Variants in CORIN observed in about 807,000 individuals in gnomAD.
CORIN encodes corin, serine peptidase.
A neutral mutation model predicts 125.3 loss-of-function variants in CORIN; 117 were observed. The observed-to-expected ratio is 0.93, with a 90% confidence interval of 0.80 to 1.09. The LOEUF is 1.09. Among genes scored for constraint, CORIN ranks in the 50% least tolerant of loss-of-function variants. The pLI is 0.00. For synonymous variants in CORIN, 450 were observed against 466.4 expected, an observed-to-expected ratio of 0.96 and a Z score of 0.45; for missense variants, 1,253 against 1,306.7, an observed-to-expected ratio of 0.96 and a Z score of 0.63.
intron 20 of CORIN, 47 bp downstream of exon 20, chr4:47,603,350 G>A (rs764334846): frequency 1.8e-5 from 29 of 1,569,838 alleles, no homozygotes; most frequent in Non-Finnish European, 2.3e-5. Flanking sequence ...CCCACTCTCA[G>A]GTATGTGCTT....
At chr4:47,703,596 T>C (rs970543187) in intron 5 of CORIN, among the ~76,000 whole-genome samples, 4 of 152,330 alleles carry the variant, frequency 2.6e-5, no homozygotes, top group Non-Finnish European at 4.4e-5. Context: ...TCAGTTTCCT[T>C]ACCTGAATCC....
At chr4:47,694,351 T>TGA (rs1225065145) in intron 5 of CORIN, among the ~76,000 whole-genome samples, 3 of 152,186 alleles carry the variant, frequency 2.0e-5, no homozygotes, top group Non-Finnish European at 4.4e-5. Context: ...TTTATCTTTT[T>TGA]AGCTGGGAAA....
At chr4:47,770,974 T>C (rs1477778887) in intron 3 of CORIN, among the ~76,000 whole-genome samples, 2 of 152,132 alleles carry the variant, frequency 1.3e-5, no homozygotes, top group Admixed American at 6.6e-5. Flanking sequence ...ATGGTGACTA[T>C]AGTTAATAAT....
At chr4:47,721,333 G>A (rs1039805013) in intron 5 of CORIN, among the ~76,000 whole-genome samples, 30 of 151,436 alleles carry the variant, frequency 2.0e-4, no homozygotes, top group East Asian at 5.9e-4. Flanking sequence ...GCAATGGTGC[G>A]ATCTCAGCTC....
chr4:47,595,768 CG>C lies in CORIN; in HGVS notation c.3081del (p.Glu1028AsnfsTer14). The C allele has an allele frequency of 6.2e-7, 1 of 1,612,582 alleles. No homozygotes were observed. Among genetic ancestry groups the C allele is most frequent in the Non-Finnish European group, 8.5e-7 (1 of 1,179,454 alleles). On this transcript the variant is annotated frameshift_variant, in exon 22 of 22. Transcript: ENST00000273857. LOFTEE classifies it high-confidence loss of function. ...ATGTAAATCTGTCTTTTAATCCATTCGACGAAATATGACACATTACTATAAA... is the reference window on the plus strand; with the variant it reads ...ATGTAAATCTGTCTTTTAATCCATTCACGAAATATGACACATTACTATAAA... ...PGVYSNVSYF[V>X]EWIKRQIYIQ...
intron 3 of CORIN, among the ~76,000 whole-genome samples, chr4:47,766,585 T>C (rs1454074704): frequency 2.0e-5 from 3 of 151,976 alleles, no homozygotes. Flanking sequence ...GGAGAATGAA[T>C]ACTGGTGTTC....
chr4:47,642,963 C>A, intron 15 of CORIN, 183 bp downstream of exon 15: 1 of 1,535,800 alleles, frequency 6.5e-7, no homozygotes, highest in Non-Finnish European at 8.7e-7. Flanking sequence ...GAAGTAGCTT[C>A]GTGGGGAAAT....
At chr4:47,749,727 G>C (rs1728818061) in intron 4 of CORIN, among the ~76,000 whole-genome samples, 1 of 152,164 alleles carries the variant, frequency 6.6e-6, no homozygotes, top group African/African-American at 2.4e-5. Context: ...ATGCTACTGA[G>C]TTTGATGTTC....
chr4:47,801,085 G>GTGC (rs1446358039), intron 2 of CORIN, among the ~76,000 whole-genome samples: 1 of 152,136 alleles, frequency 6.6e-6, no homozygotes, highest in East Asian at 1.9e-4. Context: ...TTTAAAGTCA[G>GTGC]TGCTGCTCTG....
intron 19 of CORIN, among the ~76,000 whole-genome samples, chr4:47,606,589 TAGA>T (rs1721652018): frequency 6.6e-6 from 1 of 152,180 alleles, no homozygotes; most frequent in African/African-American, 2.4e-5. Flanking sequence ...AAGCCGTCAC[TAGA>T]AGAACATGCT....
Position 47,623,117 on chromosome 4 carries a change from T to TATAC in CORIN, c.2540+453_2540+454insGTAT, listed in dbSNP as rs141525347. On this transcript the variant is annotated intron_variant, in intron 19 of 21. Coordinates refer to ENST00000273857, the MANE Select transcript of CORIN (RefSeq NM_006587.4). ...CTCTCTATATATATATATATATATA[T>TATAC]ACACACACACACACACTCTCTCTGA... Among the ~76,000 whole-genome samples the TATAC allele has an allele frequency of 1.0e-3, 138 of 134,530 alleles. 2 individuals are homozygous for TATAC. The highest frequency in any genetic ancestry group is 2.2e-3 in the African/African-American group (72 of 32,440). The allele number at this position is 134,530 out of a possible 152,430, so 88.3% of individuals were successfully genotyped here. A position where few individuals can be genotyped will look rare whatever the true frequency, so the allele number is the denominator to read the frequency against.
intron 19 of CORIN, among the ~76,000 whole-genome samples, chr4:47,612,470 G>A (rs1248737610): frequency 1.3e-5 from 2 of 152,154 alleles, no homozygotes; most frequent in Admixed American, 1.3e-4. Flanking sequence ...CAGCCTGGAT[G>A]TCTCATTAGT....
Position 47,595,602 on chromosome 4 carries a change from A to G in CORIN, c.*119T>C, listed in dbSNP as rs982684262. 2 of 660,160 alleles carry G rather than the reference A, an allele frequency of 3.0e-6. No individual in the cohort carries two copies. Among genetic ancestry groups the G allele is most frequent in the Non-Finnish European group, 4.9e-6 (2 of 411,126 alleles). 40.9% of individuals were successfully genotyped at this position (660,160 alleles called of 1,614,324 possible). A position where few individuals can be genotyped will look rare whatever the true frequency, so the allele number is the denominator to read the frequency against. On this transcript the variant is annotated 3_prime_UTR_variant, in exon 22 of 22. Transcript: ENST00000273857. ...CAAACATGCAAATTTGCAGTGCACG[A>G]TTGAGCATTTCTGTCCATGAAAAGT...
intron 21 of CORIN, among the ~76,000 whole-genome samples, chr4:47,598,310 A>G (rs538664096): frequency 6.6e-6 from 1 of 152,274 alleles, no homozygotes; most frequent in South Asian, 2.1e-4. Context: ...TATAGTAAAA[A>G]GTAGGTTTTG....
intron 9 of CORIN, among the ~76,000 whole-genome samples, chr4:47,675,178 C>T (rs932458635): frequency 1.3e-5 from 2 of 152,104 alleles, no homozygotes; most frequent in Non-Finnish European, 2.9e-5. Context: ...TTCCTTGATT[C>T]CCTGGTCATT....
chr4:47,744,882 C>A (rs953582124), intron 4 of CORIN, among the ~76,000 whole-genome samples: 3 of 152,094 alleles, frequency 2.0e-5, no homozygotes, highest in Non-Finnish European at 2.9e-5. Flanking sequence ...TAAAAGAGCT[C>A]TATTTAATAT....
chr4:47,635,169 G>C (rs1262665895), intron 16 of CORIN, among the ~76,000 whole-genome samples: 1 of 152,212 alleles, frequency 6.6e-6, no homozygotes, highest in African/African-American at 2.4e-5. Flanking sequence ...ACAAGTGACA[G>C]AGCCAGATAG....
At chr4:47,794,710 C>T (rs1731217098) in intron 2 of CORIN, among the ~76,000 whole-genome samples, 2 of 152,178 alleles carry the variant, frequency 1.3e-5, no homozygotes, top group Non-Finnish European at 2.9e-5. Flanking sequence ...CTAATTCAGA[C>T]CATACCCCAT....
chr4:47,778,636 C>T (rs1316380842), intron 3 of CORIN, among the ~76,000 whole-genome samples: 4 of 152,154 alleles, frequency 2.6e-5, no homozygotes, highest in South Asian at 2.1e-4. Flanking sequence ...AAGCATGCAA[C>T]GATTACTTAA....
Sources: gnomAD v4.1 joint callset for allele counts (sites outside exome capture counted in the v4.1 genomes callset) on GRCh38, gnomAD v4.1.1 for gene constraint, MANE v1.5 for transcripts, NCBI Gene and HGNC (gene_info 2026-07-23, HGNC 2026-07-21) for gene names.